DUSP29: variants seen among roughly 807,000 people sequenced by gnomAD.
DUSP29 encodes dual specificity phosphatase 29.
DUSP29 carries 12 observed loss-of-function variants against 13.5 expected under a neutral mutation model. The observed-to-expected ratio is 0.89, with a 90% CI of 0.57 to 1.44. The LOEUF (loss-of-function observed/expected upper bound fraction) is 1.44, where lower values mean the gene tolerates loss of function less well. DUSP29 is among the 40% of genes most tolerant of loss of function. DUSP29 has a pLI of 0.00. For synonymous variants in DUSP29, 134 were observed against 128.7 expected, an observed-to-expected ratio of 1.04 and a Z score of -0.28; for missense variants, 308 against 301.1, an observed-to-expected ratio of 1.02 and a Z score of -0.17.
chr10:75,066,530 G>A lies in DUSP29; in HGVS notation c.-35+7039C>T, dbSNP rs561005450. Among the ~76,000 whole-genome samples, 239 of 152,184 alleles carry A rather than the reference G, an allele frequency of 1.6e-3. 2 individuals are homozygous for A. The highest frequency in any genetic ancestry group is 5.2e-3 in the African/African-American group (216 of 41,512). On this transcript the variant is annotated intron_variant, in intron 1 of 3. Coordinates refer to ENST00000338487, the MANE Select transcript of DUSP29 (RefSeq NM_001003892.3). ...GGCTACATGCTCGTTTTAGGGTGAC[G>A]AAATTATATGTGATTTTTGTTTTCT...
chr10:75,042,249 A>G (rs1589856393), intron 3 of DUSP29, among the ~76,000 whole-genome samples: 1 of 152,250 alleles, frequency 6.6e-6, no homozygotes, highest in African/African-American at 2.4e-5. Context: ...AAATTGTGTG[A>G]CAGAAATGTA....
At chr10:75,057,878 T>C (rs1266834320) in intron 2 of DUSP29, among the ~76,000 whole-genome samples, 1 of 152,146 alleles carries the variant, frequency 6.6e-6, no homozygotes, top group Non-Finnish European at 1.5e-5. Context: ...GCAGGGGAAG[T>C]CTGGGATGGG....
chr10:75,043,766 GC>G, intron 3 of DUSP29, 30 bp downstream of exon 3: 1 of 1,512,944 alleles, frequency 6.6e-7, no homozygotes, highest in Non-Finnish European at 8.9e-7. Flanking sequence ...GCGGGGCGGG[GC>G]CGATCGGGGC....
intron 2 of DUSP29, among the ~76,000 whole-genome samples, chr10:75,045,335 A>T (rs1846683718): frequency 6.6e-6 from 1 of 152,164 alleles, no homozygotes; most frequent in African/African-American, 2.4e-5. Flanking sequence ...ACGCCACTGC[A>T]CTCCAGCCTG....
chr10:75,060,782 C>T (rs922622146), intron 1 of DUSP29, among the ~76,000 whole-genome samples: 18 of 152,210 alleles, frequency 1.2e-4, no homozygotes, highest in African/African-American at 4.1e-4. Context: ...TAGAAGAGCA[C>T]ACCACCATGG....
chr10:75,067,909 T>G (rs1306608417), intron 1 of DUSP29, among the ~76,000 whole-genome samples: 1 of 152,070 alleles, frequency 6.6e-6, no homozygotes, highest in Non-Finnish European at 1.5e-5. Context: ...GCCTCCCAGA[T>G]TCAAGCGATT....
At chr10:75,040,697 G>A (rs1046119568) in intron 3 of DUSP29, among the ~76,000 whole-genome samples, 3 of 152,200 alleles carry the variant, frequency 2.0e-5, no homozygotes, top group African/African-American at 7.2e-5. Context: ...TGGTAGGCAG[G>A]TGTCCTGATG....
intron 3 of DUSP29, among the ~76,000 whole-genome samples, chr10:75,039,287 G>A (rs1230269489): frequency 6.6e-6 from 1 of 152,188 alleles, no homozygotes; most frequent in Non-Finnish European, 1.5e-5. Flanking sequence ...AGGTCCTTAT[G>A]TTCTCACATA....
At chr10:75,061,775 T>C (rs1847093407) in intron 1 of DUSP29, among the ~76,000 whole-genome samples, 1 of 152,162 alleles carries the variant, frequency 6.6e-6, no homozygotes, top group African/African-American at 2.4e-5. Context: ...CTTCTCTCTG[T>C]AGCCTTGGTG....
intron 2 of DUSP29, among the ~76,000 whole-genome samples, chr10:75,049,481 A>AAGGCC (rs755644466): frequency 6.6e-6 from 1 of 152,216 alleles, no homozygotes; most frequent in African/African-American, 2.4e-5. Flanking sequence ...TGGCAATGAG[A>AAGGCC]AGGCCAGGCC....
At chr10:75,065,307 G>A (rs1386780820) in intron 1 of DUSP29, among the ~76,000 whole-genome samples, 2 of 152,158 alleles carry the variant, frequency 1.3e-5, no homozygotes, top group Non-Finnish European at 2.9e-5. Context: ...AGGCTGCAGA[G>A]ATTGGCTAGG....
chr10:75,045,992 T>G (rs536015013), intron 2 of DUSP29, among the ~76,000 whole-genome samples: 2 of 152,154 alleles, frequency 1.3e-5, no homozygotes, highest in South Asian at 4.1e-4. Flanking sequence ...GGCATGTGCC[T>G]GTAGTCCCAG....
chr10:75,053,431 A>G (rs1368259829), intron 2 of DUSP29, among the ~76,000 whole-genome samples: 3 of 152,238 alleles, frequency 2.0e-5, no homozygotes, highest in Non-Finnish European at 4.4e-5. Context: ...ACTACTTGCC[A>G]GATACTACTC....
intron 1 of DUSP29, among the ~76,000 whole-genome samples, chr10:75,063,514 G>A (rs1179560911): frequency 6.6e-6 from 1 of 152,008 alleles, no homozygotes. Context: ...GGCAGGAGTT[G>A]GTGGATAAAC....
intron 2 of DUSP29, among the ~76,000 whole-genome samples, chr10:75,051,441 T>C (rs1410183114): frequency 6.6e-6 from 1 of 152,176 alleles, no homozygotes; most frequent in African/African-American, 2.4e-5. Context: ...AAACCAGTGT[T>C]CAGTCCAGAC....
At chr10:75,057,253 C>T (rs1046552919) in intron 2 of DUSP29, among the ~76,000 whole-genome samples, 6 of 151,596 alleles carry the variant, frequency 4.0e-5, no homozygotes, top group East Asian at 1.9e-4. Flanking sequence ...TGCACTTCAA[C>T]GTGGGTGACA....
intron 1 of DUSP29, among the ~76,000 whole-genome samples, chr10:75,063,921 C>T (rs1211917437): frequency 1.3e-5 from 2 of 152,132 alleles, no homozygotes; most frequent in African/African-American, 4.8e-5. Context: ...ACCATGATAA[C>T]AGAAGATGCA....
chr10:75,059,581 A>G (rs1847043945), intron 1 of DUSP29, among the ~76,000 whole-genome samples: 1 of 152,190 alleles, frequency 6.6e-6, no homozygotes, highest in Non-Finnish European at 1.5e-5. Flanking sequence ...ATACCCTATC[A>G]TTAGCCCCAT....
At chr10:75,066,512 T>A (rs1244654754) in intron 1 of DUSP29, among the ~76,000 whole-genome samples, 1 of 152,236 alleles carries the variant, frequency 6.6e-6, no homozygotes, top group African/African-American at 2.4e-5. Context: ...ACTGGCTACA[T>A]GCTCGTTTTA....
Sources: gnomAD v4.1 joint callset for allele counts (sites outside exome capture counted in the v4.1 genomes callset) on GRCh38, gnomAD v4.1.1 for gene constraint, MANE v1.5 for transcripts, NCBI Gene and HGNC (gene_info 2026-07-23, HGNC 2026-07-21) for gene names.